The following ASH1L variants were observed in gnomAD, a reference collection of about 807,000 sequenced individuals.
The protein encoded by ASH1L is ASH1 like histone lysine methyltransferase.
In ASH1L, 23 loss-of-function variants were observed where a neutral mutation model predicts 269.0. The ratio of observed to expected loss-of-function variants is 0.09; its 90% confidence interval spans 0.06 to 0.12. ASH1L has a LOEUF of 0.12. ASH1L is among the 10% of genes least tolerant of loss of function. ASH1L has a pLI of 1.00. For missense variants in ASH1L, 2,912 were observed against 3,567.8 expected, an observed-to-expected ratio of 0.82 and a Z score of 4.68; for synonymous variants, 1,187 against 1,253.5, an observed-to-expected ratio of 0.95 and a Z score of 1.12.
intron 2 of ASH1L, among the ~76,000 whole-genome samples, chr1:155,520,587 G>A (rs1668817565): frequency 6.6e-6 from 1 of 151,994 alleles, no homozygotes; most frequent in South Asian, 2.1e-4. Flanking sequence ...AATAGGCCAG[G>A]CGTGGTGGCT....
chr1:155,551,965 G>A (rs1229505959), intron 1 of ASH1L, among the ~76,000 whole-genome samples: 1 of 151,722 alleles, frequency 6.6e-6, no homozygotes, highest in East Asian at 2.0e-4. Context: ...GAAAGGTTGA[G>A]ACTCCGTGTC....
chr1:155,433,373 C>A (rs780765054), intron 5 of ASH1L: 10 of 1,597,850 alleles, frequency 6.3e-6, no homozygotes, highest in Admixed American at 1.7e-5. Context: ...CCCATGCCCC[C>A]CGCTGTATGA....
chr1:155,503,622 G>A (rs1387557414), intron 2 of ASH1L, among the ~76,000 whole-genome samples: 1 of 152,128 alleles, frequency 6.6e-6, no homozygotes, highest in Non-Finnish European at 1.5e-5. Context: ...AGAAACTAAA[G>A]CATTAGTATG....
At chr1:155,532,960 T>TC in intron 1 of ASH1L, among the ~76,000 whole-genome samples, 1 of 58,440 alleles carries the variant, frequency 1.7e-5, no homozygotes. Context: ...TATATATATA[T>TC]GGGGGGAGAG....
chr1:155,461,050 A>T (rs1321976482), intron 3 of ASH1L, among the ~76,000 whole-genome samples: 1 of 152,218 alleles, frequency 6.6e-6, no homozygotes, highest in African/African-American at 2.4e-5. Context: ...ATGCTTATTG[A>T]TGGGAAAAAA....
intron 1 of ASH1L, among the ~76,000 whole-genome samples, chr1:155,559,281 G>C (rs550385331): frequency 6.6e-6 from 1 of 152,136 alleles, no homozygotes; most frequent in African/African-American, 2.4e-5. Flanking sequence ...GCTCACCCCT[G>C]TAATCTCAGC....
At chr1:155,547,029 T>C (rs1670877666) in intron 1 of ASH1L, among the ~76,000 whole-genome samples, 1 of 136,606 alleles carries the variant, frequency 7.3e-6, no homozygotes, top group East Asian at 2.4e-4. Flanking sequence ...CTTGGCTCAC[T>C]GCAACCTCTG....
chr1:155,502,876 G>A (rs570044209), intron 2 of ASH1L, among the ~76,000 whole-genome samples: 1 of 152,256 alleles, frequency 6.6e-6, no homozygotes, highest in South Asian at 2.1e-4. Context: ...TATCGAGGTT[G>A]AGACAAATAG....
chr1:155,371,909 G>A (rs1655985611), intron 10 of ASH1L, among the ~76,000 whole-genome samples: 1 of 152,014 alleles, frequency 6.6e-6, no homozygotes, highest in Non-Finnish European at 1.5e-5. Context: ...GGCCAGGCTG[G>A]TCTCAAACTC....
At chr1:155,544,494 A>G (rs1670657962) in intron 1 of ASH1L, among the ~76,000 whole-genome samples, 1 of 151,284 alleles carries the variant, frequency 6.6e-6, no homozygotes, top group Non-Finnish European at 1.5e-5. Context: ...TCACCGTGTT[A>G]GCCAGGATGG....
At chr1:155,556,414 G>C (rs1271174573) in intron 1 of ASH1L, among the ~76,000 whole-genome samples, 1 of 149,200 alleles carries the variant, frequency 6.7e-6, no homozygotes, top group African/African-American at 2.5e-5. Flanking sequence ...GTGTGTGTGT[G>C]TGTGTGTGTG....
rs61021008 is a variant in ASH1L at position 155,341,397 on chromosome 1, T to C, written c.8460+539A>G. On this transcript the variant is annotated intron_variant, in intron 25 of 27. Coordinates refer to ENST00000392403, the MANE Select transcript of ASH1L (RefSeq NM_018489.3). ...TTCACCGTGTTAGCCAGGATGGTCTTGATCTCCTGACCTCATGATCCGCCC... is the reference window on the plus strand; with the variant it reads ...TTCACCGTGTTAGCCAGGATGGTCTCGATCTCCTGACCTCATGATCCGCCC... Among the ~76,000 whole-genome samples, 430 of 151,310 alleles carry C rather than the reference T, an allele frequency of 2.8e-3. 3 individuals carry two copies. The highest frequency in any genetic ancestry group is 8.4e-3 in the African/African-American group (348 of 41,232).
chr1:155,404,014 C>T (rs1387469901), intron 6 of ASH1L, among the ~76,000 whole-genome samples: 1 of 150,196 alleles, frequency 6.7e-6, no homozygotes, highest in African/African-American at 2.5e-5. Flanking sequence ...CAAGAACGCA[C>T]CATTGCACTC....
Position 155,343,309 on chromosome 1 carries a change from C to T in ASH1L, c.8293+5G>A. The T allele has an allele frequency of 6.2e-7, 1 of 1,610,386 alleles. No individual in the cohort carries two copies. On this transcript the variant is annotated splice_donor_5th_base_variant and intron_variant, in intron 24 of 27. Coordinates refer to ENST00000392403, the MANE Select transcript of ASH1L (RefSeq NM_018489.3). The surrounding 1 kb of genome is among the most constrained non-coding windows in gnomAD (Gnocchi z 6.1). The stretch of plus-strand genomic sequence containing the variant: ...GTCATTTTTTAACTAGCCCAGATCA[C>T]TTACCTTTACAATACGTATAAAGGT...
At chr1:155,411,197 G>C (rs1659732231) in intron 6 of ASH1L, among the ~76,000 whole-genome samples, 1 of 152,084 alleles carries the variant, frequency 6.6e-6, no homozygotes, top group African/African-American at 2.4e-5. Context: ...GTTTATTAAT[G>C]AAACTGCTAA....
chr1:155,443,896 T>C (rs1277465581), intron 4 of ASH1L, among the ~76,000 whole-genome samples: 1 of 151,884 alleles, frequency 6.6e-6, no homozygotes, highest in African/African-American at 2.4e-5. Flanking sequence ...AAAAATATCC[T>C]ATGAACATGT....
chr1:155,376,261 T>G (rs1349974229), intron 10 of ASH1L, among the ~76,000 whole-genome samples: 3 of 152,174 alleles, frequency 2.0e-5, no homozygotes, highest in African/African-American at 7.2e-5. Flanking sequence ...GCAGGTAAGG[T>G]AGAATTTCCC....
chr1:155,548,778 C>T (rs896561458), intron 1 of ASH1L, among the ~76,000 whole-genome samples: 1 of 152,210 alleles, frequency 6.6e-6, no homozygotes, highest in African/African-American at 2.4e-5. Flanking sequence ...TCATCAAGTT[C>T]TTTGGCTCTA....
intron 7 of ASH1L, among the ~76,000 whole-genome samples, chr1:155,390,071 C>T (rs983919983): frequency 6.6e-6 from 1 of 152,006 alleles, no homozygotes; most frequent in Admixed American, 6.6e-5. Context: ...CTATCTTCTT[C>T]CCAATCTTAG....
Sources: allele counts gnomAD v4.1 joint callset (sites outside exome capture counted in the v4.1 genomes callset), GRCh38; gene constraint gnomAD v4.1.1; non-coding constraint Gnocchi (gnomAD v3.1); transcripts MANE v1.5; gene names NCBI Gene and HGNC (gene_info 2026-07-23, HGNC 2026-07-21).